The following NHLRC2 variants were observed in gnomAD, a reference collection of about 807,000 sequenced individuals.
NHLRC2 encodes the protein NHL repeat containing 2.
NHLRC2 carries 33 observed loss-of-function variants against 68.1 expected under a neutral mutation model. That is an observed-to-expected ratio of 0.48 (90% confidence interval 0.37 to 0.65). The LOEUF is 0.65. Ranked by LOEUF, NHLRC2 falls within the 30% of genes least tolerant of loss-of-function variation. The pLI is 0.00. For missense variants in NHLRC2, 761 were observed against 853.8 expected (o/e 0.89, Z 1.35); for synonymous variants, 311 against 309.6 (o/e 1.00, Z -0.05).
intron 2 of NHLRC2, among the ~76,000 whole-genome samples, chr10:113,873,065 A>G (rs1206532658): frequency 6.6e-6 from 1 of 152,192 alleles, no homozygotes; most frequent in African/African-American, 2.4e-5. Flanking sequence ...AAAGACATGT[A>G]AGTTAGACTG....
intron 2 of NHLRC2, chr10:113,858,978 C>T (rs1352610449): frequency 4.6e-6 from 1 of 218,428 alleles, no homozygotes; most frequent in Non-Finnish European, 8.9e-6. Context: ...TATGTTGAGG[C>T]TGACTTAAAT....
rs1203846087 is a variant in NHLRC2 at position 113,911,084 on chromosome 10, T to G, written c.*2548T>G. On this transcript the variant is annotated 3_prime_UTR_variant, in exon 11 of 11. Coordinates refer to ENST00000369301, the MANE Select transcript of NHLRC2 (RefSeq NM_198514.4). ...TTTGCTTTTCTTGTTGGATAAATTA[T>G]TATGTCCAGTGATAGTTTAAAAAGA... The G allele has an allele frequency of 2.0e-5, 3 of 152,192 alleles. No homozygotes were observed. The highest frequency in any genetic ancestry group is 7.2e-5 in the African/African-American group (3 of 41,462). The allele number at this position is 152,192 out of a possible 1,614,324, so 9.4% of individuals were successfully genotyped here.
At chr10:113,888,388 A>G (rs889928610) in intron 5 of NHLRC2, among the ~76,000 whole-genome samples, 2 of 152,206 alleles carry the variant, frequency 1.3e-5, no homozygotes, top group East Asian at 3.9e-4. Flanking sequence ...TCTACAGTAT[A>G]CACATAGATC....
intron 2 of NHLRC2, among the ~76,000 whole-genome samples, chr10:113,865,042 C>T (rs993498422): frequency 1.6e-4 from 25 of 151,792 alleles, no homozygotes; most frequent in East Asian, 9.8e-4. Context: ...CTCCGCCTCC[C>T]GGGTTCAAGC....
At chr10:113,901,243 T>C (rs981617596) in intron 6 of NHLRC2, among the ~76,000 whole-genome samples, 16 of 152,216 alleles carry the variant, frequency 1.1e-4, no homozygotes, top group African/African-American at 3.9e-4. Context: ...TTAATGAAAA[T>C]TGAAGCTTTA....
chr10:113,910,336 G>A lies in NHLRC2; in HGVS notation c.*1800G>A, dbSNP rs1483486328. 4 of 152,360 alleles carry A rather than the reference G, an allele frequency of 2.6e-5. No individual in the cohort carries two copies. The highest frequency in any genetic ancestry group is 2.6e-4 in the Admixed American group (4 of 15,288). 9.4% of individuals were successfully genotyped at this position (152,360 alleles called of 1,614,324 possible). ...CTGCCTCAGCCTCCCAAGTAGCTGGGATTACAGGCGTACACCACCATGCCC... is the reference window on the plus strand; with the variant it reads ...CTGCCTCAGCCTCCCAAGTAGCTGGAATTACAGGCGTACACCACCATGCCC... On this transcript the variant is annotated 3_prime_UTR_variant, in exon 11 of 11. Coordinates refer to ENST00000369301, the MANE Select transcript of NHLRC2 (RefSeq NM_198514.4).
At chr10:113,866,593 TATC>T (rs989471676) in intron 2 of NHLRC2, among the ~76,000 whole-genome samples, 27 of 152,278 alleles carry the variant, frequency 1.8e-4, no homozygotes, top group Non-Finnish European at 2.8e-4. Flanking sequence ...ATGCTAGTAT[TATC>T]ATATAGTATA....
In NHLRC2 at chr10:113,909,634, A is replaced by G. The variant is rs184504449; in HGVS notation, c.*1098A>G. On this transcript the variant is annotated 3_prime_UTR_variant, in exon 11 of 11. Transcript: ENST00000369301. Reference sequence around the variant, plus strand: ...ATATTAAGGCCGAAACAGTGATTTAATGATACTATTTTTTAATTTTTGTTG... The same window carrying G: ...ATATTAAGGCCGAAACAGTGATTTAGTGATACTATTTTTTAATTTTTGTTG... 1.5e-4 allele frequency: 23 copies of G among 152,262 alleles called. 1 individual carries two copies. In the East Asian group the frequency reaches 4.0e-3, roughly 27 times the overall value. The allele number at this position is 152,262 out of a possible 1,614,324, so 9.4% of individuals were successfully genotyped here.
intron 2 of NHLRC2, among the ~76,000 whole-genome samples, chr10:113,872,761 T>A (rs1417322515): frequency 5.9e-5 from 8 of 136,370 alleles, no homozygotes; most frequent in East Asian, 2.1e-4. Flanking sequence ...GAAAATGAGC[T>A]AAAAAAAAAA....
intron 2 of NHLRC2, among the ~76,000 whole-genome samples, chr10:113,871,322 C>A (rs1845923150): frequency 6.6e-6 from 1 of 152,086 alleles, no homozygotes; most frequent in South Asian, 2.1e-4. Context: ...CTGCACCTGG[C>A]CCTGAATCTT....
intron 5 of NHLRC2, among the ~76,000 whole-genome samples, chr10:113,896,337 T>TA (rs1319773716): frequency 2.0e-5 from 3 of 151,658 alleles, no homozygotes; most frequent in Non-Finnish European, 4.4e-5. Flanking sequence ...TATGCAGCCA[T>TA]AAAAAAGGAT....
At chr10:113,864,359 A>C (rs1845843776) in intron 2 of NHLRC2, among the ~76,000 whole-genome samples, 1 of 152,204 alleles carries the variant, frequency 6.6e-6, no homozygotes, top group African/African-American at 2.4e-5. Flanking sequence ...TGAACTGTAC[A>C]CTTAACAAAC....
chr10:113,863,589 C>T (rs1845835958), intron 2 of NHLRC2, among the ~76,000 whole-genome samples: 1 of 151,796 alleles, frequency 6.6e-6, no homozygotes, highest in Non-Finnish European at 1.5e-5. Context: ...ACACAGTAAA[C>T]CCAAAGCTAA....
intron 4 of NHLRC2, among the ~76,000 whole-genome samples, chr10:113,883,584 T>C (rs531866420): frequency 1.3e-5 from 2 of 151,938 alleles, no homozygotes; most frequent in African/African-American, 2.4e-5. Flanking sequence ...CAATACATTG[T>C]TGGGGAGAGG....
At chr10:113,905,072 A>G in intron 10 of NHLRC2, 36 bp downstream of exon 10, 1 of 1,017,284 alleles carries the variant, frequency 9.8e-7, no homozygotes. Flanking sequence ...AATACATCAT[A>G]TATTCTTGAT....
intron 10 of NHLRC2, among the ~76,000 whole-genome samples, chr10:113,906,980 C>T (rs1451065266): frequency 6.6e-6 from 1 of 152,190 alleles, no homozygotes; most frequent in African/African-American, 2.4e-5. Flanking sequence ...GAGCGAGACT[C>T]CGTCTCAAAA....
intron 5 of NHLRC2, among the ~76,000 whole-genome samples, chr10:113,890,964 A>G (rs1057101057): frequency 6.6e-6 from 1 of 152,186 alleles, no homozygotes; most frequent in Non-Finnish European, 1.5e-5. Context: ...GAAGTGCCAG[A>G]CAGTTACTAA....
chr10:113,904,949 ACT>A lies in NHLRC2; in HGVS notation c.1840_1841del (p.Leu614SerfsTer16). The A allele has an allele frequency of 1.3e-6, 2 of 1,587,892 alleles. No homozygotes were observed. The highest frequency in any genetic ancestry group is 1.7e-6 in the Non-Finnish European group (2 of 1,170,080). ...CCCCGTGACTGCGTGTGCTGGCCAG[ACT>A]CTTCAGTTCAAACTCAGATTAGACC... is the stretch of plus-strand genomic sequence containing the variant. ...LSPVTACAGQTLQFKLRLDLP... is the reference protein window; with the variant it reads ...LSPVTACAGQXLQFKLRLDLP... On this transcript the variant is annotated frameshift_variant, in exon 10 of 11. Coordinates refer to ENST00000369301, the MANE Select transcript of NHLRC2 (RefSeq NM_198514.4). LOFTEE classifies it high-confidence loss of function.
chr10:113,900,196 A>G (rs572825679), intron 6 of NHLRC2, among the ~76,000 whole-genome samples: 1 of 152,152 alleles, frequency 6.6e-6, no homozygotes, highest in Non-Finnish European at 1.5e-5. Context: ...ACATGATTAG[A>G]TTTGTGTTTT....
Sources: gnomAD v4.1 joint callset for allele counts (sites outside exome capture counted in the v4.1 genomes callset) on GRCh38, gnomAD v4.1.1 for gene constraint, MANE v1.5 for transcripts, NCBI Gene and HGNC (gene_info 2026-07-23, HGNC 2026-07-21) for gene names.